Variants in ST6GALNAC3 observed in about 807,000 individuals in gnomAD.
ST6GALNAC3 encodes the protein alpha-N-acetylgalactosaminide alpha-2,6-sialyltransferase 3.
Under a neutral mutation model 32.7 loss-of-function variants are expected in ST6GALNAC3, and 25 were observed. That is an observed-to-expected ratio of 0.76 (90% CI 0.56 to 1.07). ST6GALNAC3 has a LOEUF of 1.07. Among genes scored for constraint, ST6GALNAC3 ranks in the 50% least tolerant of loss-of-function variants. The pLI is 0.00. For missense variants in ST6GALNAC3, 355 were observed against 382.4 expected (o/e 0.93, Z 0.60); for synonymous variants, 129 against 133.1 (o/e 0.97, Z 0.21).
chr1:76,489,147 A>G (rs1024281204), intron 3 of ST6GALNAC3, among the ~76,000 whole-genome samples: 1 of 152,214 alleles, frequency 6.6e-6, no homozygotes. Context: ...GAATGAATGC[A>G]TGGATGGATG....
chr1:76,415,222 A>C (rs1441117704), intron 3 of ST6GALNAC3, among the ~76,000 whole-genome samples: 1 of 128,496 alleles, frequency 7.8e-6, no homozygotes, highest in Admixed American at 8.9e-5. Flanking sequence ...TTCTTCTCTC[A>C]GAAGAAATAC....
chr1:76,511,516 C>G (rs1661860648), intron 3 of ST6GALNAC3, among the ~76,000 whole-genome samples: 1 of 152,134 alleles, frequency 6.6e-6, no homozygotes, highest in African/African-American at 2.4e-5. Context: ...GAGCACAGCT[C>G]GGGTATTTAT....
intron 1 of ST6GALNAC3, among the ~76,000 whole-genome samples, chr1:76,227,397 A>G (rs1189074181): frequency 6.6e-6 from 1 of 152,094 alleles, no homozygotes; most frequent in Non-Finnish European, 1.5e-5. Context: ...TTTTAAAGCT[A>G]TTTGTTTATT....
intron 1 of ST6GALNAC3, among the ~76,000 whole-genome samples, chr1:76,244,639 G>A (rs1657154996): frequency 6.6e-6 from 1 of 152,130 alleles, no homozygotes; most frequent in African/African-American, 2.4e-5. Context: ...TTTATTGAGA[G>A]TTTTTAACAT....
rs1024464894 is a variant in ST6GALNAC3, at chr1:76,630,696, A to C, written c.*1890A>C. The C allele has an allele frequency of 4.1e-6, 4 of 985,512 alleles. No individual in the cohort carries two copies. The highest frequency in any genetic ancestry group is 4.8e-6 in the Non-Finnish European group (4 of 829,842). 61.0% of individuals were successfully genotyped at this position (985,512 alleles called of 1,614,324 possible). On this transcript the variant is annotated 3_prime_UTR_variant, in exon 5 of 5. Coordinates refer to ENST00000328299, the MANE Select transcript of ST6GALNAC3 (RefSeq NM_152996.4). ...AGGCCTTTTGCCTACTCTCTTCTGC[A>C]ATTTTGACACCTCAATATTCACACC...
chr1:76,285,996 A>G (rs1659757220), intron 1 of ST6GALNAC3, among the ~76,000 whole-genome samples: 1 of 151,558 alleles, frequency 6.6e-6, no homozygotes, highest in Non-Finnish European at 1.5e-5. Context: ...GAGACACAGG[A>G]AAGACATGCA....
intron 1 of ST6GALNAC3, 98 bp from the exon 2 acceptor site, chr1:76,313,707 C>T: frequency 8.0e-7 from 1 of 1,245,294 alleles, no homozygotes; most frequent in East Asian, 2.3e-5. Flanking sequence ...CCTTCGACCC[C>T]TATGAAAGAA....
intron 2 of ST6GALNAC3, among the ~76,000 whole-genome samples, chr1:76,376,310 T>C (rs917992349): frequency 6.6e-6 from 1 of 152,340 alleles, no homozygotes; most frequent in African/African-American, 2.4e-5. Flanking sequence ...CAATTTTACA[T>C]GCCTTTGTGT....
chr1:76,443,145 T>G (rs1386382182), intron 3 of ST6GALNAC3, among the ~76,000 whole-genome samples: 1 of 152,150 alleles, frequency 6.6e-6, no homozygotes, highest in African/African-American at 2.4e-5. Flanking sequence ...CTGTTTTTTT[T>G]GTTGTTGTTG....
chr1:76,569,274 C>T (rs116717368), intron 3 of ST6GALNAC3, among the ~76,000 whole-genome samples: 345 of 152,158 alleles, frequency 2.3e-3, no homozygotes, highest in African/African-American at 7.9e-3. Flanking sequence ...TGTATTGGTA[C>T]AAAATACGTT....
intron 1 of ST6GALNAC3, among the ~76,000 whole-genome samples, chr1:76,313,292 A>G (rs1321207242): frequency 6.6e-6 from 1 of 152,170 alleles, no homozygotes; most frequent in Admixed American, 6.6e-5. Flanking sequence ...ACAGAGATCA[A>G]GATGACACAG....
At chr1:76,322,965 C>T (rs954292987) in intron 2 of ST6GALNAC3, among the ~76,000 whole-genome samples, 4 of 152,042 alleles carry the variant, frequency 2.6e-5, no homozygotes. Context: ...CTCAGCCTCC[C>T]GAGTAGCTGG....
intron 1 of ST6GALNAC3, among the ~76,000 whole-genome samples, chr1:76,180,096 G>A (rs1443192076): frequency 6.6e-6 from 1 of 152,100 alleles, no homozygotes; most frequent in Non-Finnish European, 1.5e-5. Context: ...CAAACTCTTT[G>A]GGGGCAGGGC....
At chr1:76,101,759 A>G (rs924653733) in intron 1 of ST6GALNAC3, among the ~76,000 whole-genome samples, 4 of 152,182 alleles carry the variant, frequency 2.6e-5, no homozygotes, top group Non-Finnish European at 5.9e-5. Flanking sequence ...CATTCAGTTA[A>G]GAGCAGTTTC....
chr1:76,571,313 A>T (rs1665845160), intron 3 of ST6GALNAC3, among the ~76,000 whole-genome samples: 1 of 152,054 alleles, frequency 6.6e-6, no homozygotes, highest in Non-Finnish European at 1.5e-5. Flanking sequence ...GTGGTCGCTC[A>T]CTGTTTCTAG....
intron 1 of ST6GALNAC3, among the ~76,000 whole-genome samples, chr1:76,298,910 G>A (rs1660567906): frequency 6.6e-6 from 1 of 151,918 alleles, no homozygotes; most frequent in Admixed American, 6.6e-5. Flanking sequence ...TGCTTGTATT[G>A]TCTGCTCTGC....
At chr1:76,244,640 T>G (rs1180729660) in intron 1 of ST6GALNAC3, among the ~76,000 whole-genome samples, 1 of 152,192 alleles carries the variant, frequency 6.6e-6, no homozygotes, top group Non-Finnish European at 1.5e-5. Context: ...TTATTGAGAG[T>G]TTTTAACATG....
intron 3 of ST6GALNAC3, among the ~76,000 whole-genome samples, chr1:76,451,285 C>T (rs983952726): frequency 8.5e-5 from 13 of 152,294 alleles, no homozygotes; most frequent in East Asian, 3.9e-4. Flanking sequence ...CAAGGCCTCT[C>T]AATCATGGTG....
intron 2 of ST6GALNAC3, chr1:76,353,754 C>G (rs1203380937): frequency 6.5e-6 from 1 of 152,688 alleles, no homozygotes; most frequent in Non-Finnish European, 1.5e-5. Context: ...CCCAGAGGCC[C>G]CAGGGCTGCC....
Sources: allele counts gnomAD v4.1 joint callset (sites outside exome capture counted in the v4.1 genomes callset), GRCh38; gene constraint gnomAD v4.1.1; transcripts MANE v1.5; gene names NCBI Gene and HGNC (gene_info 2026-07-23, HGNC 2026-07-21).